TRAK2: variants seen among roughly 807,000 people sequenced by gnomAD.
TRAK2 encodes the protein trafficking kinesin protein 2.
TRAK2 carries 81 observed loss-of-function variants against 104.6 expected under a neutral mutation model. The observed-to-expected ratio is 0.77, with a 90% CI of 0.65 to 0.93. The LOEUF (loss-of-function observed/expected upper bound fraction) is 0.93. TRAK2 is among the 40% of genes least tolerant of loss of function. TRAK2 has a pLI of 0.00. For missense variants in TRAK2, 1,002 were observed against 1,089.0 expected (o/e 0.92, Z 1.12); for synonymous variants, 406 against 394.4 (o/e 1.03, Z -0.35).
chr2:201,411,067 T>G (rs1017829347), intron 2 of TRAK2: 6 of 1,181,320 alleles, frequency 5.1e-6, no homozygotes, highest in Non-Finnish European at 7.6e-6. Flanking sequence ...GAAAACATCA[T>G]GTCAATGCCC....
rs1004459010 is a variant in TRAK2 at position 201,392,814 on chromosome 2, A to G, written c.1113+95T>C. 239 of 1,237,592 alleles carry G rather than the reference A, an allele frequency of 1.9e-4. 1 individual carries two copies. In the East Asian group the frequency reaches 5.8e-3, roughly 30 times the overall value. The allele number at this position is 1,237,592 out of a possible 1,614,324, so 76.7% of individuals were successfully genotyped here. ...GAAACAAGGAAAAAATCTCTTCTCC[A>G]GATGTTTTATACCATCATAAACCAT... On this transcript the variant is annotated intron_variant, in intron 10 of 15. Transcript: ENST00000332624.
chr2:201,412,216 A>G, intron 2 of TRAK2: 2 of 956,234 alleles, frequency 2.1e-6, no homozygotes, highest in Middle Eastern at 2.1e-4. Context: ...TCTCTGTACA[A>G]TGACATGCTT....
At chr2:201,404,599 T>C (rs1247371198) in intron 3 of TRAK2, among the ~76,000 whole-genome samples, 1 of 152,238 alleles carries the variant, frequency 6.6e-6, no homozygotes, top group Non-Finnish European at 1.5e-5. Context: ...ATTTTCAGGA[T>C]GGGAAACACC....
At chr2:201,383,646 C>T (rs905185933) in intron 15 of TRAK2, among the ~76,000 whole-genome samples, 4 of 152,308 alleles carry the variant, frequency 2.6e-5, no homozygotes, top group East Asian at 1.9e-4. Flanking sequence ...AACCTGTATT[C>T]GTTCCTTGTA....
intron 2 of TRAK2, chr2:201,411,594 C>T (rs1951647828): frequency 3.8e-6 from 3 of 779,332 alleles, no homozygotes; most frequent in African/African-American, 3.4e-5. Context: ...GTTTTCAATA[C>T]TCAGGGGAAT....
intron 1 of TRAK2, among the ~76,000 whole-genome samples, chr2:201,440,427 C>G (rs532775335): frequency 1.3e-5 from 2 of 152,276 alleles, no homozygotes; most frequent in East Asian, 3.9e-4. Context: ...GCTGACTTCC[C>G]AAATACCTCT....
At chr2:201,381,601 A>C (rs1951346109) in intron 15 of TRAK2, among the ~76,000 whole-genome samples, 1 of 152,202 alleles carries the variant, frequency 6.6e-6, no homozygotes, top group Non-Finnish European at 1.5e-5. Context: ...GTAATTTAGA[A>C]TGTTTATTCA....
At chr2:201,423,123 G>A (rs995319142) in intron 1 of TRAK2, among the ~76,000 whole-genome samples, 1 of 148,080 alleles carries the variant, frequency 6.8e-6, no homozygotes, top group African/African-American at 2.5e-5. Context: ...CACCCAGGCT[G>A]GTGTGCAGTG....
chr2:201,410,154 T>C (rs1951632037), intron 2 of TRAK2, among the ~76,000 whole-genome samples: 2 of 151,976 alleles, frequency 1.3e-5, no homozygotes, highest in African/African-American at 4.8e-5. Context: ...ACAAAAAAAT[T>C]AGCTGGGCGT....
At chr2:201,451,048 G>C (rs889604670) in intron 1 of TRAK2, among the ~76,000 whole-genome samples, 8 of 152,188 alleles carry the variant, frequency 5.3e-5, no homozygotes, top group Non-Finnish European at 1.2e-4. Flanking sequence ...CTAAAAGACA[G>C]GGCTCCAGAT....
intron 2 of TRAK2, among the ~76,000 whole-genome samples, chr2:201,416,641 T>C (rs918404932): frequency 6.6e-6 from 1 of 152,140 alleles, no homozygotes; most frequent in African/African-American, 2.4e-5. Flanking sequence ...TAATGTATTA[T>C]GTATATAACA....
Position 201,447,091 on chromosome 2 carries a change from T to C in TRAK2, c.-200+4259A>G, listed in dbSNP as rs1432685560. The stretch of plus-strand genomic sequence containing the variant: ...GCTACCTTGGTTACCTTGTCTCCGG[T>C]CTTATTACCTTTCATTTATCCTTTA... On this transcript the variant is annotated intron_variant, in intron 1 of 15. Coordinates refer to ENST00000332624, the MANE Select transcript of TRAK2 (RefSeq NM_015049.3). The surrounding 1 kb of genome is among the most constrained non-coding windows in gnomAD (Gnocchi z 4.1). Among the ~76,000 whole-genome samples the C allele has an allele frequency of 6.6e-6, 1 of 152,228 alleles. No individual in the cohort carries two copies. The highest frequency in any genetic ancestry group is 1.5e-5 in the Non-Finnish European group (1 of 68,038).
chr2:201,402,797 T>C (rs1276035921), intron 3 of TRAK2, among the ~76,000 whole-genome samples: 2 of 152,188 alleles, frequency 1.3e-5, no homozygotes, highest in Non-Finnish European at 2.9e-5. Context: ...AAATGTAATA[T>C]AGAGCAATGG....
intron 4 of TRAK2, among the ~76,000 whole-genome samples, chr2:201,400,094 G>T (rs544682591): frequency 1.3e-5 from 2 of 151,794 alleles, no homozygotes; most frequent in Admixed American, 1.3e-4. Flanking sequence ...GAGGCCACAG[G>T]ATTCTGCCTA....
chr2:201,411,648 C>T, intron 2 of TRAK2: 2 of 797,614 alleles, frequency 2.5e-6, no homozygotes, highest in East Asian at 4.9e-5. Flanking sequence ...TTTGGTGATT[C>T]CCAACTTATG....
chr2:201,435,641 C>G (rs1032896766), intron 1 of TRAK2, among the ~76,000 whole-genome samples: 3 of 152,124 alleles, frequency 2.0e-5, no homozygotes, highest in Non-Finnish European at 2.9e-5. Flanking sequence ...CCAAATCATA[C>G]CTAACAAAGT....
chr2:201,380,512 C>T lies in TRAK2; in HGVS notation c.*31G>A. 1 of 1,602,892 alleles carries T rather than the reference C, an allele frequency of 6.2e-7. No homozygotes were observed. Among genetic ancestry groups the T allele is most frequent in the Non-Finnish European group, 8.5e-7 (1 of 1,172,796 alleles). On this transcript the variant is annotated 3_prime_UTR_variant, in exon 16 of 16. Coordinates refer to ENST00000332624, the MANE Select transcript of TRAK2 (RefSeq NM_015049.3). ...TGCATATCTATCCTTCATGTGCTAA[C>T]TTGTATAAAAGGTCAGTTAACTGCT...
chr2:201,382,982 C>T (rs1332039470), intron 15 of TRAK2, among the ~76,000 whole-genome samples: 1 of 152,128 alleles, frequency 6.6e-6, no homozygotes, highest in Non-Finnish European at 1.5e-5. Context: ...TTATTTAATG[C>T]ACTTAAAGTA....
intron 13 of TRAK2, among the ~76,000 whole-genome samples, chr2:201,386,815 G>A (rs1223477677): frequency 6.6e-6 from 1 of 152,106 alleles, no homozygotes; most frequent in African/African-American, 2.4e-5. Flanking sequence ...TATTTTCCCA[G>A]GTGACAAAAA....
Sources: allele counts gnomAD v4.1 joint callset (sites outside exome capture counted in the v4.1 genomes callset), GRCh38; gene constraint gnomAD v4.1.1; non-coding constraint Gnocchi (gnomAD v3.1); transcripts MANE v1.5; gene names NCBI Gene and HGNC (gene_info 2026-07-23, HGNC 2026-07-21).